WWOX: variants seen among roughly 807,000 people sequenced by gnomAD.
WWOX encodes the protein WW domain-containing oxidoreductase.
Under a neutral mutation model 46.2 loss-of-function variants are expected in WWOX, and 69 were observed. The ratio of observed to expected loss-of-function variants is 1.49; its 90% CI spans 1.23 to 1.82. WWOX has a LOEUF of 1.82. WWOX is among the 40% of genes most tolerant of loss of function. The pLI is 0.00. For synonymous variants in WWOX, 359 were observed against 202.6 expected (o/e 1.77, Z -6.56); for missense variants, 919 against 542.6 (o/e 1.69, Z -6.89).
chr16:78,572,513 G>C (rs932458662), intron 8 of WWOX, among the ~76,000 whole-genome samples: 5 of 149,058 alleles, frequency 3.4e-5, no homozygotes, highest in Non-Finnish European at 7.4e-5. Flanking sequence ...TGAGGAGGGA[G>C]GACCTCTTGA....
intron 8 of WWOX, among the ~76,000 whole-genome samples, chr16:78,840,122 A>C (rs935304537): frequency 6.6e-6 from 1 of 152,244 alleles, no homozygotes; most frequent in Non-Finnish European, 1.5e-5. Context: ...ATAAGTTATC[A>C]TTATGGCATG....
chr16:78,952,477 G>C (rs896037861), intron 8 of WWOX, among the ~76,000 whole-genome samples: 15 of 151,174 alleles, frequency 9.9e-5, no homozygotes, highest in African/African-American at 3.7e-4. Flanking sequence ...CCACCTCCCA[G>C]GTTCAGGCGA....
At chr16:78,704,304 C>T (rs762708949) in intron 8 of WWOX, among the ~76,000 whole-genome samples, 3 of 152,124 alleles carry the variant, frequency 2.0e-5, no homozygotes, top group Non-Finnish European at 4.4e-5. Context: ...ATCTTGACTA[C>T]GTTCTGGTGA....
At chr16:78,896,473 T>TC in intron 8 of WWOX, 1 of 152,220 alleles carries the variant, frequency 6.6e-6, no homozygotes, top group African/African-American at 2.4e-5. Context: ...CAGCGTTGCT[T>TC]CCCCTACCCC....
At chr16:78,675,771 T>G (rs977281684) in intron 8 of WWOX, among the ~76,000 whole-genome samples, 1 of 152,174 alleles carries the variant, frequency 6.6e-6, no homozygotes, top group Admixed American at 6.5e-5. Flanking sequence ...GCCAGGAGTT[T>G]GAGACCAGCC....
chr16:79,090,293 G>A (rs2048932898), intron 8 of WWOX, among the ~76,000 whole-genome samples: 1 of 151,196 alleles, frequency 6.6e-6, no homozygotes, highest in Non-Finnish European at 1.5e-5. Flanking sequence ...GTGTGTGTGT[G>A]TGTGTGTGTG....
chr16:78,690,463 G>A (rs987102210), intron 8 of WWOX, among the ~76,000 whole-genome samples: 1 of 152,126 alleles, frequency 6.6e-6, no homozygotes, highest in African/African-American at 2.4e-5. Context: ...GAGATGGGAG[G>A]ATTGCTTGGG....
chr16:78,847,064 C>G (rs890311898), intron 8 of WWOX, among the ~76,000 whole-genome samples: 8 of 152,180 alleles, frequency 5.3e-5, no homozygotes, highest in Non-Finnish European at 7.3e-5. Flanking sequence ...TTTTTGAGCA[C>G]TTTCTTATTT....
At chr16:78,334,075 C>T (rs78981577) in intron 5 of WWOX, among the ~76,000 whole-genome samples, 4,788 of 152,216 alleles carry the variant, frequency 0.031, 208 homozygotes, top group African/African-American at 0.092. Flanking sequence ...GATGTTACAT[C>T]GCATAAAGAT....
intron 8 of WWOX, among the ~76,000 whole-genome samples, chr16:78,558,167 A>G (rs2044351789): frequency 6.6e-6 from 1 of 152,156 alleles, no homozygotes; most frequent in Non-Finnish European, 1.5e-5. Flanking sequence ...GGCTGCTGCC[A>G]CCACCGCCTT....
intron 8 of WWOX, among the ~76,000 whole-genome samples, chr16:78,647,855 C>G (rs2046879718): frequency 6.6e-6 from 1 of 152,018 alleles, no homozygotes. Flanking sequence ...TTGGGGGATC[C>G]CAGCTCTTTT....
intron 5 of WWOX, among the ~76,000 whole-genome samples, chr16:78,319,844 T>G (rs947983530): frequency 2.0e-5 from 3 of 152,160 alleles, no homozygotes; most frequent in Non-Finnish European, 2.9e-5. Context: ...GCAAAACTTT[T>G]ACTCTTCAGG....
At chr16:78,588,735 G>T (rs949898143) in intron 8 of WWOX, among the ~76,000 whole-genome samples, 1 of 152,148 alleles carries the variant, frequency 6.6e-6, no homozygotes, top group African/African-American at 2.4e-5. Flanking sequence ...TATTGACGTA[G>T]CATCACTTTA....
At chr16:78,194,484 A>T (rs577377508) in intron 5 of WWOX, among the ~76,000 whole-genome samples, 24 of 149,624 alleles carry the variant, frequency 1.6e-4, no homozygotes, top group Admixed American at 5.4e-4. Context: ...GCTACTCGGG[A>T]TGCTGAGGTG....
intron 8 of WWOX, among the ~76,000 whole-genome samples, chr16:78,701,780 G>A (rs1374795567): frequency 2.0e-5 from 3 of 151,832 alleles, no homozygotes; most frequent in African/African-American, 7.3e-5. Flanking sequence ...GCTCTGAGAT[G>A]CAGTCTGCTG....
chr16:78,238,781 G>A (rs1365503984), intron 5 of WWOX, among the ~76,000 whole-genome samples: 1 of 151,764 alleles, frequency 6.6e-6, no homozygotes, highest in Admixed American at 6.6e-5. Context: ...CACCACACCC[G>A]GCTAATTTTG....
chr16:78,912,490 A>G (rs16948847), intron 8 of WWOX, among the ~76,000 whole-genome samples: 26,059 of 151,680 alleles, frequency 0.17, 2,391 homozygotes, highest in South Asian at 0.21. Flanking sequence ...GGATCTGTCA[A>G]TTGCATTGCT....
chr16:79,119,987 G>T (rs148651053), intron 8 of WWOX, among the ~76,000 whole-genome samples: 1 of 152,306 alleles, frequency 6.6e-6, no homozygotes, highest in Non-Finnish European at 1.5e-5. Context: ...CTACAGTCCA[G>T]TGTCAGTGGC....
intron 8 of WWOX, among the ~76,000 whole-genome samples, chr16:79,127,301 C>G (rs17728372): frequency 0.17 from 26,552 of 152,034 alleles, 2,519 homozygotes; most frequent in African/African-American, 0.19. Flanking sequence ...CCTGGTGCAT[C>G]CTTCTAGACA....
Sources: gnomAD v4.1 joint callset for allele counts (sites outside exome capture counted in the v4.1 genomes callset) on GRCh38, gnomAD v4.1.1 for gene constraint, MANE v1.5 for transcripts, NCBI Gene and HGNC (gene_info 2026-07-23, HGNC 2026-07-21) for gene names.